NKIRAS2: variants seen among roughly 807,000 people sequenced by gnomAD.
NKIRAS2 encodes NFKB inhibitor interacting Ras like 2.
In NKIRAS2, 15 loss-of-function variants were observed where a neutral mutation model predicts 20.7. That is an observed-to-expected ratio of 0.73 (90% CI 0.49 to 1.12). The LOEUF (loss-of-function observed/expected upper bound fraction) is 1.12, where lower values mean the gene tolerates loss of function less well. Ranked by LOEUF, NKIRAS2 falls within the 50% of genes most tolerant of loss-of-function variation. The probability of loss-of-function intolerance (pLI) is 0.00; values close to 1 mark genes in which losing one functional copy is unlikely to be tolerated. For synonymous variants in NKIRAS2, 116 were observed against 101.4 expected (o/e 1.14, Z -0.87); for missense variants, 196 against 249.6 (o/e 0.79, Z 1.45).
chr17:42,018,783 A>C (rs2052373798), upstream of NKIRAS2, among the ~76,000 whole-genome samples: 1 of 152,114 alleles, frequency 6.6e-6, no homozygotes, highest in African/African-American at 2.4e-5. Flanking sequence ...ATGACTCTCA[A>C]CTTTTCATAT....
Position 42,021,549 on chromosome 17 carries a change from C to T in NKIRAS2, c.-14-15C>T. Reference sequence around the variant, plus strand: ...TTCTTTCCTCACCTTACCCAGCGTGCTTCTGTTCTTCAAGGTTGAAAACTA... The same window carrying T: ...TTCTTTCCTCACCTTACCCAGCGTGTTTCTGTTCTTCAAGGTTGAAAACTA... On this transcript the variant is annotated splice_polypyrimidine_tract_variant and intron_variant, in intron 1 of 3. Coordinates refer to ENST00000393885, the MANE Select transcript of NKIRAS2 (RefSeq NM_017595.6). 1 of 1,606,514 alleles carries T rather than the reference C, an allele frequency of 6.2e-7. No individual in the cohort carries two copies. The highest frequency in any genetic ancestry group is 8.5e-7 in the Non-Finnish European group (1 of 1,173,164).
chr17:42,022,134 G>A (rs893590736), intron 2 of NKIRAS2: 3 of 463,896 alleles, frequency 6.5e-6, no homozygotes, highest in Admixed American at 3.3e-5. Context: ...GCTTGAACTC[G>A]GGAGGTGGAG....
chr17:42,017,684 C>T (rs2052345144), upstream of NKIRAS2: 1 of 572,354 alleles, frequency 1.7e-6, no homozygotes, highest in Non-Finnish European at 3.1e-6. Context: ...CCGGTGGTAG[C>T]CTCTCTAGGG....
In NKIRAS2 at chr17:42,024,017, G is replaced by A; in HGVS notation, c.*124G>A. 1 of 1,444,664 alleles carries A rather than the reference G, an allele frequency of 6.9e-7. No homozygotes were observed. Among genetic ancestry groups the A allele is most frequent in the African/African-American group, 1.4e-5 (1 of 70,258 alleles). The allele number at this position is 1,444,664 out of a possible 1,614,324, so 89.5% of individuals were successfully genotyped here. On this transcript the variant is annotated 3_prime_UTR_variant, in exon 4 of 4. Coordinates refer to ENST00000393885, the MANE Select transcript of NKIRAS2 (RefSeq NM_017595.6). Reference sequence around the variant, plus strand: ...AGTCAGCCAGGGAGCTCCCCGCCAGGCCACGCCCCAGCCACTTTGCTCCCT... The same window carrying A: ...AGTCAGCCAGGGAGCTCCCCGCCAGACCACGCCCCAGCCACTTTGCTCCCT...
intron 1 of NKIRAS2, chr17:42,020,657 T>C (rs1475486164): frequency 1.3e-5 from 2 of 152,250 alleles, no homozygotes; most frequent in African/African-American, 4.8e-5. Flanking sequence ...TTTTCTCTCT[T>C]GTCTTATGTT....
Position 42,022,506 on chromosome 17 carries a change from G to A in NKIRAS2, c.202G>A (p.Gly68Arg), listed in dbSNP as rs1555653298. 3.7e-6 allele frequency: 6 copies of A among 1,614,000 alleles called. No individual in the cohort carries two copies. The highest frequency in any genetic ancestry group is 5.1e-6 in the Non-Finnish European group (6 of 1,179,978). ...RFYDTRGLRDGAELPRHCFSC... is the reference protein window; with the variant it reads ...RFYDTRGLRDRAELPRHCFSC... The stretch of plus-strand genomic sequence containing the variant: ...CTATGACACCCGGGGGCTCCGAGAT[G>A]GGGCCGAACTGCCCCGACACTGCTT... Residue 68 changes from glycine (G) to arginine (R), a missense_variant, in exon 3 of 4, where the codon GGG becomes AGG. Coordinates refer to ENST00000393885, the MANE Select transcript of NKIRAS2 (RefSeq NM_017595.6).
At chr17:42,023,033 C>A in intron 3 of NKIRAS2, 1 of 307,900 alleles carries the variant, frequency 3.2e-6, no homozygotes, top group Non-Finnish European at 6.6e-6. Flanking sequence ...GACAGGGTCT[C>A]ACTCTGCCAC....
Position 42,024,041 on chromosome 17 carries a change from C to T in NKIRAS2, c.*148C>T. ...GGCCACGCCCCAGCCACTTTGCTCC[C>T]TCTCACCTCTGGGAAGTGCAAATAC... On this transcript the variant is annotated 3_prime_UTR_variant, in exon 4 of 4. Coordinates refer to ENST00000393885, the MANE Select transcript of NKIRAS2 (RefSeq NM_017595.6). The T allele has an allele frequency of 7.9e-7, 1 of 1,263,930 alleles. No homozygotes were observed. Among genetic ancestry groups the T allele is most frequent in the Non-Finnish European group, 1.1e-6 (1 of 936,532 alleles). The allele number at this position is 1,263,930 out of a possible 1,614,324, so 78.3% of individuals were successfully genotyped here. A position where few individuals can be genotyped will look rare whatever the true frequency, so the allele number is the denominator to read the frequency against.
upstream of NKIRAS2, among the ~76,000 whole-genome samples, chr17:42,019,128 C>T (rs1415074594): frequency 1.3e-5 from 2 of 152,076 alleles, no homozygotes; most frequent in African/African-American, 4.8e-5. Flanking sequence ...TTGGAATAGG[C>T]TGGGTGTGGT....
rs201257933 is a variant in NKIRAS2, at chr17:42,021,546, G to A, written c.-14-18G>A. On this transcript the variant is annotated intron_variant, in intron 1 of 3. Coordinates refer to ENST00000393885, the MANE Select transcript of NKIRAS2 (RefSeq NM_017595.6). ...GCTTTCTTTCCTCACCTTACCCAGC[G>A]TGCTTCTGTTCTTCAAGGTTGAAAA... is the stretch of plus-strand genomic sequence containing the variant. 349 of 1,597,660 alleles carry A rather than the reference G, an allele frequency of 2.2e-4. No homozygotes were observed. The highest frequency in any genetic ancestry group is 3.7e-4 in the Admixed American group (22 of 59,954).
rs782144026 is a variant in NKIRAS2, at chr17:42,024,549, G to T, written c.*656G>T. On this transcript the variant is annotated 3_prime_UTR_variant, in exon 4 of 4. Transcript: ENST00000393885. ...GCACTTTGGGAGGCCAAGGCGGGTC[G>T]ATTACTTGAGGTCAGGAGTTCACGA... 1 of 152,526 alleles carries T rather than the reference G, an allele frequency of 6.6e-6. No homozygotes were observed. The highest frequency in any genetic ancestry group is 1.5e-5 in the Non-Finnish European group (1 of 68,368). The allele number at this position is 152,526 out of a possible 1,614,324, so 9.4% of individuals were successfully genotyped here. A position where few individuals can be genotyped will look rare whatever the true frequency, so the allele number is the denominator to read the frequency against.
chr17:42,019,679 C>T (rs973217890), upstream of NKIRAS2, among the ~76,000 whole-genome samples: 2 of 152,292 alleles, frequency 1.3e-5, no homozygotes, highest in South Asian at 2.1e-4. Flanking sequence ...TTGCTGTGCT[C>T]CACAGCACCT....
At chr17:42,019,637 C>G (rs1555652659), upstream of NKIRAS2, among the ~76,000 whole-genome samples, 1 of 152,194 alleles carries the variant, frequency 6.6e-6, no homozygotes, top group Non-Finnish European at 1.5e-5. Flanking sequence ...CCAGGCCCTT[C>G]AGTGTCTGCT....
At position 42,023,935 on chromosome 17, in the gene NKIRAS2, T is replaced by G. The variant is rs781839794; in HGVS notation, c.*42T>G. ...TTTCACGATCCCAGCCCCATTTCAG[T>G]GTCTGGGGCTCTGGTAGATGTGTTG... On this transcript the variant is annotated 3_prime_UTR_variant, in exon 4 of 4. Transcript: ENST00000393885. 2.5e-6 allele frequency: 4 copies of G among 1,602,658 alleles called. No individual in the cohort carries two copies. The Admixed American group carries it at 6.8e-5, about 27-fold the overall frequency.
In NKIRAS2 at chr17:42,024,240, T is replaced by G; in HGVS notation, c.*347T>G. ...TCCCTTCTTGGGTCTGAGTTCCTAT[T>G]ATAGGTAGGGGCCCCACCCTCTGGG... is the stretch of plus-strand genomic sequence containing the variant. On this transcript the variant is annotated 3_prime_UTR_variant, in exon 4 of 4. Transcript: ENST00000393885. 1 of 310,922 alleles carries G rather than the reference T, an allele frequency of 3.2e-6. No homozygotes were observed. The allele number at this position is 310,922 out of a possible 1,614,324, so 19.3% of individuals were successfully genotyped here. A position where few individuals can be genotyped will look rare whatever the true frequency, so the allele number is the denominator to read the frequency against.
upstream of NKIRAS2, among the ~76,000 whole-genome samples, chr17:42,018,811 C>T (rs1385946184): frequency 6.6e-6 from 1 of 152,222 alleles, no homozygotes; most frequent in African/African-American, 2.4e-5. Flanking sequence ...CTAGACCTTT[C>T]TTCAGCTTCC....
rs1224269851 is a variant in NKIRAS2, at chr17:42,021,663, A to G, written c.86A>G (p.His29Arg). ...CTGGAGCAGCTTCTGTATGGGAACC[A>G]TGTAGTGGGTGAGTGTTGTTGGAGG... ...SILEQLLYGN[H>R]VVGSEMIETQ... Residue 29 changes from histidine (H) to arginine (R), a missense_variant, in exon 2 of 4, where the codon CAT (histidine) becomes CGT (arginine). Physicochemically the swap from His to Arg is conservative, Grantham distance 29. Coordinates refer to ENST00000393885, the MANE Select transcript of NKIRAS2 (RefSeq NM_017595.6). 6.2e-7 allele frequency: 1 copy of G among 1,613,984 alleles called. No individual in the cohort carries two copies. Among genetic ancestry groups the G allele is most frequent in the Non-Finnish European group, 8.5e-7 (1 of 1,179,864 alleles).
upstream of NKIRAS2, among the ~76,000 whole-genome samples, chr17:42,018,149 C>G (rs1008331924): frequency 2.0e-5 from 3 of 152,168 alleles, no homozygotes; most frequent in African/African-American, 7.2e-5. Context: ...TATAAGGAAG[C>G]TCGCGGGGTG....
Position 42,023,734 on chromosome 17 carries a change from C to G in NKIRAS2, c.417C>G (p.Ala139=). ...RVDPDVAQHW[A]KSEKVKLWEV... is the part of the protein sequence containing the mutation. Reference sequence around the variant, plus strand: ...ACCCAGATGTGGCTCAGCACTGGGCCAAGTCAGAGAAGGTGAAGCTGTGGG... The same window carrying G: ...ACCCAGATGTGGCTCAGCACTGGGCGAAGTCAGAGAAGGTGAAGCTGTGGG... Residue 139 remains alanine (A), a synonymous_variant, in exon 4 of 4, where the codon GCC becomes GCG. Transcript: ENST00000393885. The G allele has an allele frequency of 6.2e-7, 1 of 1,614,026 alleles. No individual in the cohort carries two copies. The highest frequency in any genetic ancestry group is 8.5e-7 in the Non-Finnish European group (1 of 1,179,998).
Sources: gnomAD v4.1 joint callset for allele counts (sites outside exome capture counted in the v4.1 genomes callset) on GRCh38, gnomAD v4.1.1 for gene constraint, MANE v1.5 for transcripts, NCBI Gene and HGNC (gene_info 2026-07-23, HGNC 2026-07-21) for gene names.